HS3ST2: variants seen among roughly 807,000 people sequenced by gnomAD.
HS3ST2 encodes the protein heparan sulfate-glucosamine 3-sulfotransferase 2, also known as heparan sulfate glucosamine 3-O-sulfotransferase 2.
HS3ST2 carries 17 observed loss-of-function variants against 26.3 expected under a neutral mutation model. The ratio of observed to expected loss-of-function variants is 0.65; its 90% CI spans 0.44 to 0.97. The LOEUF is 0.97. Ranked by LOEUF, HS3ST2 falls within the 50% of genes least tolerant of loss-of-function variation. The pLI, the probability that HS3ST2 is intolerant of heterozygous loss-of-function variation, is 0.00. For synonymous variants in HS3ST2, 237 were observed against 219.2 expected (o/e 1.08, Z -0.72); for missense variants, 402 against 501.2 (o/e 0.80, Z 1.89).
intron 1 of HS3ST2, among the ~76,000 whole-genome samples, chr16:22,899,597 C>T (rs957609425): frequency 1.3e-5 from 2 of 152,192 alleles, no homozygotes; most frequent in African/African-American, 4.8e-5. Context: ...CTAATAAAGA[C>T]ATACCCAAGA....
chr16:22,898,093 C>T (rs920641955), intron 1 of HS3ST2, among the ~76,000 whole-genome samples: 5 of 152,178 alleles, frequency 3.3e-5, no homozygotes, highest in African/African-American at 1.2e-4. Context: ...CCATCTTATT[C>T]ATTTAACAAG....
Position 22,878,612 on chromosome 16 carries a change from A to C in HS3ST2, c.486-36332A>C, listed in dbSNP as rs189752277. ...ATGAAGCGGGGGCCTAACAGGGTCA[A>C]AAAAAAAGAAATAAATACATTATGG... is the stretch of plus-strand genomic sequence containing the variant. On this transcript the variant is annotated intron_variant, in intron 1 of 1. Transcript: ENST00000261374. 6.1e-3 allele frequency among the ~76,000 whole-genome samples: 925 copies of C among 152,056 alleles called. 18 individuals are homozygous for C. The highest frequency in any genetic ancestry group is 0.048 in the South Asian group (231 of 4,812).
chr16:22,852,445 G>T (rs866575736), intron 1 of HS3ST2, among the ~76,000 whole-genome samples: 13 of 152,144 alleles, frequency 8.5e-5, no homozygotes, highest in Non-Finnish European at 1.6e-4. Context: ...CAATCTCCCT[G>T]CTGGCTCTGG....
intron 1 of HS3ST2, among the ~76,000 whole-genome samples, chr16:22,902,668 G>A (rs1902295591): frequency 6.6e-6 from 1 of 152,178 alleles, no homozygotes; most frequent in Non-Finnish European, 1.5e-5. Flanking sequence ...ACCAAAATTA[G>A]GAGAGTGTTA....
intron 1 of HS3ST2, among the ~76,000 whole-genome samples, chr16:22,847,994 A>G (rs1271186016): frequency 6.6e-6 from 1 of 152,118 alleles, no homozygotes; most frequent in Non-Finnish European, 1.5e-5. Context: ...TTCAATTAAT[A>G]GTCTCATTTT....
At chr16:22,905,162 T>G (rs147615597) in intron 1 of HS3ST2, among the ~76,000 whole-genome samples, 1 of 152,178 alleles carries the variant, frequency 6.6e-6, no homozygotes, top group East Asian at 1.9e-4. Context: ...ATAAAGAGTG[T>G]ACAAATTTAG....
rs374309669 is a variant in HS3ST2, at chr16:22,834,955, T to TTCTG, written c.485+19863_485+19864insGTCT. 9.5e-3 allele frequency among the ~76,000 whole-genome samples: 1,439 copies of TTCTG among 152,206 alleles called. 18 individuals carry two copies. Among genetic ancestry groups the TTCTG allele is most frequent in the African/African-American group, 0.033 (1,377 of 41,510 alleles). On this transcript the variant is annotated intron_variant, in intron 1 of 1. Coordinates refer to ENST00000261374, the MANE Select transcript of HS3ST2 (RefSeq NM_006043.2). The stretch of plus-strand genomic sequence containing the variant: ...TTAATTTTTTCCCTGTTGGAGATAT[T>TTCTG]TCTTTCCATTTTTAAAAGAGGATGT...
At chr16:22,824,871 T>C (rs1475239448) in intron 1 of HS3ST2, among the ~76,000 whole-genome samples, 4 of 152,106 alleles carry the variant, frequency 2.6e-5, no homozygotes, top group African/African-American at 9.7e-5. Context: ...GCCTCAGTGC[T>C]TGCTGCTGGG....
At chr16:22,886,539 T>A (rs757580872) in intron 1 of HS3ST2, among the ~76,000 whole-genome samples, 3 of 152,128 alleles carry the variant, frequency 2.0e-5, no homozygotes, top group Non-Finnish European at 2.9e-5. Context: ...TTCACCTCCT[T>A]TTCTCCCTTG....
chr16:22,863,802 A>G (rs141450949), intron 1 of HS3ST2, among the ~76,000 whole-genome samples: 18 of 152,316 alleles, frequency 1.2e-4, no homozygotes, highest in African/African-American at 4.3e-4. Context: ...ATAGCTCTCC[A>G]GGCCGTGCAA....
At chr16:22,869,655 C>T (rs113470186) in intron 1 of HS3ST2, among the ~76,000 whole-genome samples, 21 of 152,276 alleles carry the variant, frequency 1.4e-4, no homozygotes, top group African/African-American at 4.8e-4. Context: ...ATCTGTGAGA[C>T]TCATTTACTA....
chr16:22,833,404 C>T, intron 1 of HS3ST2: 1 of 439,370 alleles, frequency 2.3e-6, no homozygotes, highest in South Asian at 1.6e-5. Context: ...ATGGAAGCAG[C>T]AGCAATGACC....
chr16:22,853,746 T>C (rs946575718), intron 1 of HS3ST2, among the ~76,000 whole-genome samples: 1 of 152,152 alleles, frequency 6.6e-6, no homozygotes, highest in Non-Finnish European at 1.5e-5. Context: ...CAGAAGTGGC[T>C]GGGCCTCCTT....
chr16:22,873,060 T>C (rs566928286), intron 1 of HS3ST2, among the ~76,000 whole-genome samples: 1 of 152,200 alleles, frequency 6.6e-6, no homozygotes, highest in Non-Finnish European at 1.5e-5. Context: ...TTTACTACTG[T>C]ATTGGGCTAG....
intron 1 of HS3ST2, among the ~76,000 whole-genome samples, chr16:22,827,771 G>A (rs1263029558): frequency 6.8e-6 from 1 of 147,518 alleles, no homozygotes; most frequent in Admixed American, 6.9e-5. Context: ...GAGTGCAGTG[G>A]CACAATCATG....
intron 1 of HS3ST2, among the ~76,000 whole-genome samples, chr16:22,900,257 T>C (rs748690497): frequency 8.5e-5 from 13 of 152,224 alleles, no homozygotes; most frequent in Admixed American, 7.9e-4. Context: ...GCATTCACTC[T>C]GATTGACTAA....
intron 1 of HS3ST2, among the ~76,000 whole-genome samples, chr16:22,861,575 G>A (rs1901674729): frequency 6.6e-6 from 1 of 151,998 alleles, no homozygotes; most frequent in Non-Finnish European, 1.5e-5. Context: ...GTACTAAATG[G>A]TACATGGAGA....
At chr16:22,864,376 A>G (rs1198744243) in intron 1 of HS3ST2, among the ~76,000 whole-genome samples, 1 of 152,270 alleles carries the variant, frequency 6.6e-6, no homozygotes, top group Non-Finnish European at 1.5e-5. Flanking sequence ...TCAGGACCTC[A>G]TGAAGAACTG....
intron 1 of HS3ST2, among the ~76,000 whole-genome samples, chr16:22,907,637 A>C (rs1902372973): frequency 6.6e-6 from 1 of 152,256 alleles, no homozygotes. Flanking sequence ...AAAAGCAGGC[A>C]AAAGAGAGAA....
Sources: allele counts gnomAD v4.1 joint callset (sites outside exome capture counted in the v4.1 genomes callset), GRCh38; gene constraint gnomAD v4.1.1; transcripts MANE v1.5; gene names NCBI Gene and HGNC (gene_info 2026-07-23, HGNC 2026-07-21).